MAST4: variants seen among roughly 807,000 people sequenced by gnomAD.
MAST4 encodes microtubule-associated serine/threonine-protein kinase 4.
A neutral mutation model predicts 162.7 loss-of-function variants in MAST4; 89 were observed. The ratio of observed to expected loss-of-function variants is 0.55; its 90% confidence interval spans 0.46 to 0.65. The LOEUF is 0.65. Ranked by LOEUF, MAST4 falls within the 30% of genes least tolerant of loss-of-function variation. The pLI is 0.00. For synonymous variants in MAST4, 1,479 were observed against 1,361.1 expected, an observed-to-expected ratio of 1.09 and a Z score of -1.91; for missense variants, 3,153 against 3,374.0, an observed-to-expected ratio of 0.93 and a Z score of 1.62.
chr5:66,667,275 G>A (rs969810816), intron 1 of MAST4, among the ~76,000 whole-genome samples: 2 of 152,116 alleles, frequency 1.3e-5, no homozygotes, highest in Admixed American at 6.6e-5. Flanking sequence ...ATGTATGGGC[G>A]TTTGATTCAT....
intron 2 of MAST4, among the ~76,000 whole-genome samples, chr5:66,764,150 A>G (rs1753977584): frequency 2.0e-5 from 3 of 152,168 alleles, no homozygotes; most frequent in African/African-American, 7.2e-5. Flanking sequence ...TCAGATGGCT[A>G]TAGGTTAGTT....
intron 1 of MAST4, among the ~76,000 whole-genome samples, chr5:66,669,872 G>A (rs1050797427): frequency 5.3e-5 from 8 of 152,190 alleles, no homozygotes; most frequent in Non-Finnish European, 1.2e-4. Context: ...AGCCTTGAAT[G>A]AAGAATAGGT....
chr5:67,128,589 T>C (rs947934264), intron 14 of MAST4, among the ~76,000 whole-genome samples: 1 of 152,106 alleles, frequency 6.6e-6, no homozygotes, highest in East Asian at 1.9e-4. Context: ...AAAACACACA[T>C]TCATGAAAGA....
In MAST4 at chr5:66,770,030, T is replaced by C. The variant is rs542083882; in HGVS notation, c.517+10168T>C. Among the ~76,000 whole-genome samples, 13 of 152,320 alleles carry C rather than the reference T, an allele frequency of 8.5e-5. 1 individual carries two copies. The highest frequency in any genetic ancestry group is 2.9e-4 in the African/African-American group (12 of 41,568). ...AATGACAAGAATTCTCTTGAGTCGG[T>C]CTAGTGTGGTTTTAGAACTTAAAAA... On this transcript the variant is annotated intron_variant, in intron 2 of 28. Coordinates refer to ENST00000403625, the MANE Select transcript of MAST4 (RefSeq NM_001164664.2).
intron 3 of MAST4, among the ~76,000 whole-genome samples, chr5:66,880,932 C>A (rs1000738459): frequency 6.6e-6 from 1 of 152,186 alleles, no homozygotes; most frequent in Non-Finnish European, 1.5e-5. Flanking sequence ...GTATAGCCAG[C>A]TGCCTTTTGA....
intron 4 of MAST4, among the ~76,000 whole-genome samples, chr5:67,048,414 T>C (rs922406730): frequency 7.2e-5 from 11 of 152,074 alleles, no homozygotes; most frequent in Admixed American, 5.2e-4. Context: ...CATCCAAAAG[T>C]CAAAAACATG....
At chr5:67,118,438 A>G (rs1357569883) in intron 12 of MAST4, among the ~76,000 whole-genome samples, 1 of 152,208 alleles carries the variant, frequency 6.6e-6, no homozygotes, top group Non-Finnish European at 1.5e-5. Context: ...TCCTATGCCC[A>G]GCCTCTAAAG....
chr5:66,704,579 C>T (rs921295404), intron 1 of MAST4, among the ~76,000 whole-genome samples: 1 of 147,128 alleles, frequency 6.8e-6, no homozygotes, highest in Non-Finnish European at 1.5e-5. Context: ...CGGCTCACTG[C>T]AAGCTCTGCC....
At chr5:66,747,099 T>G (rs1325706055) in intron 1 of MAST4, among the ~76,000 whole-genome samples, 1 of 60,670 alleles carries the variant, frequency 1.6e-5, no homozygotes, top group Admixed American at 1.4e-4. Context: ...ATGCGCATGG[T>G]GTGTGTGTGT....
intron 1 of MAST4, among the ~76,000 whole-genome samples, chr5:66,748,621 T>G (rs1752941640): frequency 6.6e-6 from 1 of 151,294 alleles, no homozygotes; most frequent in Non-Finnish European, 1.5e-5. Context: ...CCCAAGTAGT[T>G]GAGGACTACA....
intron 3 of MAST4, among the ~76,000 whole-genome samples, chr5:66,836,492 G>A (rs900557947): frequency 2.6e-5 from 4 of 152,060 alleles, no homozygotes; most frequent in East Asian, 1.9e-4. Flanking sequence ...ACACATGCAC[G>A]CATGTGTTCA....
rs79441951 is a variant in MAST4, at chr5:66,607,615, A to C, written c.363+10597A>C. On this transcript the variant is annotated intron_variant, in intron 1 of 28. Transcript: ENST00000403625. ...CAGTTCTCAGGGTAATGCTGCTGTG[A>C]GTGGAAATGGATTGCAGGAATTTGG... is the stretch of plus-strand genomic sequence containing the variant. 2.6e-5 allele frequency among the ~76,000 whole-genome samples: 4 copies of C among 152,310 alleles called. No homozygotes were observed. The East Asian group carries it at 7.7e-4, about 29-fold the overall frequency.
At chr5:66,980,862 C>T (rs1581094720) in intron 4 of MAST4, among the ~76,000 whole-genome samples, 1 of 152,142 alleles carries the variant, frequency 6.6e-6, no homozygotes, top group South Asian at 2.1e-4. Context: ...TATTCTGGGG[C>T]AGTCAAGAAG....
intron 4 of MAST4, among the ~76,000 whole-genome samples, chr5:66,969,675 A>G (rs1306969792): frequency 1.3e-5 from 2 of 152,174 alleles, no homozygotes; most frequent in Non-Finnish European, 2.9e-5. Context: ...ACTTGTTGCC[A>G]TGGTGAGGGG....
intron 4 of MAST4, among the ~76,000 whole-genome samples, chr5:66,965,595 G>GC (rs1190021084): frequency 8.2e-6 from 1 of 122,290 alleles, no homozygotes; most frequent in African/African-American, 3.0e-5. Flanking sequence ...GGCGGGGGGG[G>GC]GGGCGGTGAA....
At chr5:66,906,538 C>T (rs1763366828) in intron 4 of MAST4, among the ~76,000 whole-genome samples, 1 of 152,166 alleles carries the variant, frequency 6.6e-6, no homozygotes, top group Non-Finnish European at 1.5e-5. Flanking sequence ...GGATTTCCAT[C>T]TTAAACACAT....
chr5:66,767,866 A>T (rs1357102796), intron 2 of MAST4, among the ~76,000 whole-genome samples: 1 of 152,158 alleles, frequency 6.6e-6, no homozygotes, highest in South Asian at 2.1e-4. Context: ...CCATGCTAGC[A>T]GGTAATTAGA....
chr5:66,737,713 TG>T, intron 1 of MAST4, among the ~76,000 whole-genome samples: 1 of 152,272 alleles, frequency 6.6e-6, no homozygotes, highest in Middle Eastern at 3.4e-3. Context: ...GGTTTCTGAG[TG>T]ATACCTCTAC....
intron 3 of MAST4, among the ~76,000 whole-genome samples, chr5:66,868,491 CTTT>C (rs59614413): frequency 1.5e-5 from 2 of 135,664 alleles, no homozygotes; most frequent in African/African-American, 5.4e-5. Context: ...CCATCACAAA[CTTT>C]TTTTTTTTTT....
Sources: gnomAD v4.1 joint callset for allele counts (sites outside exome capture counted in the v4.1 genomes callset) on GRCh38, gnomAD v4.1.1 for gene constraint, MANE v1.5 for transcripts, NCBI Gene and HGNC (gene_info 2026-07-23, HGNC 2026-07-21) for gene names.